Variants in WNT3A observed in about 807,000 individuals in gnomAD.
WNT3A encodes the protein Wnt family member 3A.
WNT3A carries 17 observed loss-of-function variants against 37.0 expected under a neutral mutation model. That is an observed-to-expected ratio of 0.46 (90% confidence interval 0.31 to 0.69). The LOEUF (loss-of-function observed/expected upper bound fraction) is 0.69, where lower values mean the gene tolerates loss of function less well. Ranked by LOEUF, WNT3A falls within the 30% of genes least tolerant of loss-of-function variation. The pLI, the probability that WNT3A is intolerant of heterozygous loss-of-function variation, is 0.05. For synonymous variants in WNT3A, 187 were observed against 211.0 expected (o/e 0.89, Z 0.99); for missense variants, 411 against 510.2 (o/e 0.81, Z 1.87).
chr1:228,041,248 A>C (rs2031278934), intron 2 of WNT3A, among the ~76,000 whole-genome samples: 1 of 152,142 alleles, frequency 6.6e-6, no homozygotes, highest in Admixed American at 6.5e-5. Flanking sequence ...AGCTCATCTC[A>C]TGATTCCCTG....
At chr1:228,027,514 C>G (rs2030880861) in intron 2 of WNT3A, among the ~76,000 whole-genome samples, 1 of 152,124 alleles carries the variant, frequency 6.6e-6, no homozygotes, top group Non-Finnish European at 1.5e-5. Flanking sequence ...ATTTGTGTTT[C>G]CCTCATGATT....
intron 1 of WNT3A, among the ~76,000 whole-genome samples, chr1:228,019,154 G>A (rs924941520): frequency 6.6e-6 from 1 of 152,226 alleles, no homozygotes; most frequent in African/African-American, 2.4e-5. Context: ...TCAGCACCCT[G>A]AGAATGGAGG....
chr1:228,041,013 ATATCTATC>A (rs6143658), intron 2 of WNT3A, among the ~76,000 whole-genome samples: 4,767 of 140,766 alleles, frequency 0.034, 286 homozygotes, highest in African/African-American at 0.12. Flanking sequence ...CTACATATCT[ATATCTATC>A]TATCTATCTA....
At chr1:228,023,518 T>G in intron 2 of WNT3A, among the ~76,000 whole-genome samples, 1 of 138,506 alleles carries the variant, frequency 7.2e-6, no homozygotes, top group African/African-American at 2.7e-5. Context: ...GACAGAGACA[T>G]AAAGATGCAC....
In WNT3A at chr1:228,016,635, C is replaced by T. The variant is rs117195173; in HGVS notation, c.72-6032C>T. ...ATTTTGCAGGGACTGGGGTTTCATACGTGTACTTGTCCATTCTGCATTGCT... is the reference window on the plus strand; with the variant it reads ...ATTTTGCAGGGACTGGGGTTTCATATGTGTACTTGTCCATTCTGCATTGCT... On this transcript the variant is annotated intron_variant, in intron 1 of 3. Transcript: ENST00000284523. Among the ~76,000 whole-genome samples, 543 of 152,240 alleles carry T rather than the reference C, an allele frequency of 3.6e-3. 11 individuals are homozygous for T. The highest frequency in any genetic ancestry group is 0.03 in the East Asian group (156 of 5,172).
chr1:228,043,527 G>A (rs1211636015), intron 2 of WNT3A, among the ~76,000 whole-genome samples: 2 of 152,160 alleles, frequency 1.3e-5, no homozygotes, highest in Non-Finnish European at 2.9e-5. Context: ...AGATGCCTCC[G>A]TTTCACCCCC....
At chr1:228,046,466 C>T (rs2031409530) in intron 2 of WNT3A, among the ~76,000 whole-genome samples, 2 of 133,624 alleles carry the variant, frequency 1.5e-5, no homozygotes, top group South Asian at 5.0e-4. Context: ...GTGTGCATTG[C>T]ACGAGGCGTG....
rs367609793 is a variant in WNT3A, at chr1:228,050,936, C to T, written c.579+15C>T. ...CTGGGCGCCAGGTAGGTTCGCCGCC[C>T]GCAAGGGTGCTTGGGAAAAAGGAGC... On this transcript the variant is annotated intron_variant, in intron 3 of 3. Transcript: ENST00000284523. This position sits in a 1 kb window ranked among gnomAD's most constrained non-coding sequence, Gnocchi z 5.0. The T allele has an allele frequency of 4.0e-5, 61 of 1,518,344 alleles. 1 individual carries two copies. Among genetic ancestry groups the T allele is most frequent in the Admixed American group, 6.5e-5 (3 of 46,434 alleles). 94.1% of individuals were successfully genotyped at this position (1,518,344 alleles called of 1,614,324 possible).
At chr1:228,055,211 T>TACAC (rs1209680972) in intron 3 of WNT3A, among the ~76,000 whole-genome samples, 1 of 109,314 alleles carries the variant, frequency 9.1e-6, no homozygotes, top group Admixed American at 1.0e-4. Context: ...TATATATATA[T>TACAC]ATATATATAC....
chr1:228,034,867 C>T (rs1469321574), intron 2 of WNT3A, among the ~76,000 whole-genome samples: 1 of 152,198 alleles, frequency 6.6e-6, no homozygotes, highest in Non-Finnish European at 1.5e-5. Context: ...CTGGGAGAAA[C>T]TCCCTAGGGT....
intron 2 of WNT3A, among the ~76,000 whole-genome samples, chr1:228,046,135 C>T (rs1328683912): frequency 1.3e-5 from 2 of 152,212 alleles, no homozygotes; most frequent in Non-Finnish European, 2.9e-5. Context: ...GGGCTGAGTG[C>T]GGCCTGAGGC....
rs1476205811 is a variant in WNT3A at position 228,060,116 on chromosome 1, C to T, written c.*651C>T. On this transcript the variant is annotated 3_prime_UTR_variant, in exon 4 of 4. Transcript: ENST00000284523. ...TCCTGTGGGTGGGGCTTCTCTGGGA[C>T]CAGGCTCCAATGGGGCGGGGCTTCT... 49 of 1,308,546 alleles carry T rather than the reference C, an allele frequency of 3.7e-5. No homozygotes were observed. The highest frequency in any genetic ancestry group is 4.6e-5 in the Non-Finnish European group (46 of 999,412). 81.1% of individuals were successfully genotyped at this position (1,308,546 alleles called of 1,614,324 possible).
intron 1 of WNT3A, among the ~76,000 whole-genome samples, chr1:228,016,845 A>G (rs1242387029): frequency 6.6e-6 from 1 of 151,974 alleles, no homozygotes; most frequent in Non-Finnish European, 1.5e-5. Flanking sequence ...GGCTCCTTCT[A>G]ACAACCAGCT....
chr1:228,012,829 G>C (rs1173089731), intron 1 of WNT3A, among the ~76,000 whole-genome samples: 2 of 152,140 alleles, frequency 1.3e-5, no homozygotes, highest in Non-Finnish European at 2.9e-5. Flanking sequence ...CCAGGGAGGT[G>C]CTGAGCTGCA....
At chr1:228,055,414 A>T (rs2102782684) in intron 3 of WNT3A, among the ~76,000 whole-genome samples, 1 of 151,220 alleles carries the variant, frequency 6.6e-6, no homozygotes, top group Non-Finnish European at 1.5e-5. Context: ...AAATAGATAC[A>T]GGTAGGGACA....
chr1:228,012,894 C>T (rs559853552), intron 1 of WNT3A, among the ~76,000 whole-genome samples: 10 of 152,200 alleles, frequency 6.6e-5, no homozygotes, highest in Admixed American at 2.6e-4. Flanking sequence ...TGTACAGCCC[C>T]ACAGACAGGG....
chr1:228,008,764 G>T lies in WNT3A; in HGVS notation c.71+1565G>T, dbSNP rs911235751. ...CCTGAGCGCAAAAGGAAGCTCCTTC[G>T]CCCCGCGCCCTTCCCATAAATGTCG... On this transcript the variant is annotated intron_variant, in intron 1 of 3. Transcript: ENST00000284523. This position sits in a 1 kb window ranked among gnomAD's most constrained non-coding sequence, Gnocchi z 4.9. Among the ~76,000 whole-genome samples, 1 of 152,140 alleles carries T rather than the reference G, an allele frequency of 6.6e-6. No homozygotes were observed. Among genetic ancestry groups the T allele is most frequent in the Non-Finnish European group, 1.5e-5 (1 of 68,012 alleles).
Position 228,050,543 on chromosome 1 carries a change from C to A in WNT3A, c.314-113C>A. On this transcript the variant is annotated intron_variant, in intron 2 of 3. Transcript: ENST00000284523. This position sits in a 1 kb window ranked among gnomAD's most constrained non-coding sequence, Gnocchi z 5.0. ...GTAAGCCTCTTTGCCTTATACACCA[C>A]CCAACCTCACGAGTTCCTTTATAAC... is the stretch of plus-strand genomic sequence containing the variant. 7.4e-7 allele frequency: 1 copy of A among 1,360,028 alleles called. No individual in the cohort carries two copies. The highest frequency in any genetic ancestry group is 9.8e-7 in the Non-Finnish European group (1 of 1,023,118). 84.2% of individuals were successfully genotyped at this position (1,360,028 alleles called of 1,614,324 possible).
chr1:228,059,486 T>C lies in WNT3A; in HGVS notation c.*21T>C. 1.3e-6 allele frequency: 2 copies of C among 1,487,220 alleles called. No individual in the cohort carries two copies. Among genetic ancestry groups the C allele is most frequent in the Non-Finnish European group, 1.8e-6 (2 of 1,125,680 alleles). The allele number at this position is 1,487,220 out of a possible 1,614,324, so 92.1% of individuals were successfully genotyped here. On this transcript the variant is annotated 3_prime_UTR_variant, in exon 4 of 4. Coordinates refer to ENST00000284523, the MANE Select transcript of WNT3A (RefSeq NM_033131.4). ...AGTAGGCACCGGCCGCGGCTCCCCCTGGACGGGGCGGGCCCTGCCTGAGGG... is the reference window on the plus strand; with the variant it reads ...AGTAGGCACCGGCCGCGGCTCCCCCCGGACGGGGCGGGCCCTGCCTGAGGG...
Sources: allele counts gnomAD v4.1 joint callset (sites outside exome capture counted in the v4.1 genomes callset), GRCh38; gene constraint gnomAD v4.1.1; non-coding constraint Gnocchi (gnomAD v3.1); transcripts MANE v1.5; gene names NCBI Gene and HGNC (gene_info 2026-07-23, HGNC 2026-07-21).